The following DMXL2 variants were observed in gnomAD, a reference collection of about 807,000 sequenced individuals.
The protein encoded by DMXL2 is dmX-like protein 2.
Under a neutral mutation model 331.1 loss-of-function variants are expected in DMXL2, and 103 were observed. The ratio of observed to expected loss-of-function variants is 0.31; its 90% confidence interval spans 0.27 to 0.37. The LOEUF (loss-of-function observed/expected upper bound fraction) is 0.37. Ranked by LOEUF, DMXL2 falls within the 10% of genes least tolerant of loss-of-function variation. DMXL2 has a pLI of 1.00. For missense variants in DMXL2, 3,171 were observed against 3,642.9 expected, an observed-to-expected ratio of 0.87 and a Z score of 3.33; for synonymous variants, 1,281 against 1,252.1, an observed-to-expected ratio of 1.02 and a Z score of -0.49.
At chr15:51,507,730 A>G (rs2046493345) in intron 15 of DMXL2, among the ~76,000 whole-genome samples, 1 of 151,980 alleles carries the variant, frequency 6.6e-6, no homozygotes, top group Non-Finnish European at 1.5e-5. Context: ...TGGGGCACTT[A>G]CGCCTTATTT....
intron 6 of DMXL2, among the ~76,000 whole-genome samples, chr15:51,561,360 T>C (rs534169480): frequency 3.3e-4 from 51 of 152,288 alleles, no homozygotes; most frequent in Admixed American, 2.9e-3. Context: ...TCTTCAGGTG[T>C]AGTCAGTGTC....
rs1268637641 is a variant in DMXL2, at chr15:51,478,406, T to C, written c.6757-59A>G. On this transcript the variant is annotated intron_variant, in intron 25 of 43. Coordinates refer to ENST00000560891, the MANE Select transcript of DMXL2 (RefSeq NM_001378457.1). Reference sequence around the variant, plus strand: ...CTAACATTTCTACACAACAGTAATATTTCAAAAATTAGAAAACATCCAGGA... The same window carrying C: ...CTAACATTTCTACACAACAGTAATACTTCAAAAATTAGAAAACATCCAGGA... 5 of 1,476,624 alleles carry C rather than the reference T, an allele frequency of 3.4e-6. No homozygotes were observed. The African/African-American group carries it at 4.2e-5, about 12-fold the overall frequency. 91.5% of individuals were successfully genotyped at this position (1,476,624 alleles called of 1,614,324 possible). A position where few individuals can be genotyped will look rare whatever the true frequency, so the allele number is the denominator to read the frequency against.
chr15:51,597,442 T>A (rs568761646), intron 1 of DMXL2, among the ~76,000 whole-genome samples: 15 of 152,330 alleles, frequency 9.8e-5, no homozygotes, highest in African/African-American at 3.1e-4. Flanking sequence ...TATGCTTTTG[T>A]GTCTCTTTCT....
intron 13 of DMXL2, among the ~76,000 whole-genome samples, chr15:51,525,556 G>T (rs900794566): frequency 6.6e-6 from 1 of 152,078 alleles, no homozygotes; most frequent in African/African-American, 2.4e-5. Flanking sequence ...GGCCAGAAGG[G>T]AGCCCAATGC....
At chr15:51,545,496 T>G in intron 8 of DMXL2, 87 bp downstream of exon 8, 4 of 1,143,984 alleles carry the variant, frequency 3.5e-6, no homozygotes, top group Non-Finnish European at 5.1e-6. Flanking sequence ...ACATGTACCA[T>G]GTGTGCCATC....
At chr15:51,525,064 A>G (rs1476706538) in intron 13 of DMXL2, among the ~76,000 whole-genome samples, 1 of 151,864 alleles carries the variant, frequency 6.6e-6, no homozygotes, top group Admixed American at 6.6e-5. Context: ...GCTCAGCTAC[A>G]GCAGGATAAG....
intron 1 of DMXL2, among the ~76,000 whole-genome samples, chr15:51,600,948 C>T (rs576995564): frequency 6.6e-6 from 1 of 152,264 alleles, no homozygotes; most frequent in South Asian, 2.1e-4. Flanking sequence ...TTAACAGCCA[C>T]TCTCCAGAGA....
Position 51,463,249 on chromosome 15 carries a change from G to A in DMXL2, c.7926+130C>T, listed in dbSNP as rs958620526. 2.8e-5 allele frequency: 16 copies of A among 581,674 alleles called. No individual in the cohort carries two copies. In the South Asian group the frequency reaches 3.3e-4, roughly 12 times the overall value. The allele number at this position is 581,674 out of a possible 1,614,324, so 36.0% of individuals were successfully genotyped here. On this transcript the variant is annotated intron_variant, in intron 33 of 43. Transcript: ENST00000560891. ...GGTTTTATCTTAAAAGTAGTTCACG[G>A]TAGTTTAGTGAACTTTGACTATTAC...
chr15:51,533,625 A>G (rs1413752946), intron 13 of DMXL2, among the ~76,000 whole-genome samples: 3 of 152,226 alleles, frequency 2.0e-5, no homozygotes, highest in Non-Finnish European at 4.4e-5. Context: ...AGGTGTGCAC[A>G]TTACACCTAT....
At chr15:51,540,481 CA>C (rs1441611205) in intron 9 of DMXL2, among the ~76,000 whole-genome samples, 1 of 151,562 alleles carries the variant, frequency 6.6e-6, no homozygotes, top group Non-Finnish European at 1.5e-5. Context: ...ATGGTTCCGT[CA>C]AAAATAAGGG....
Position 51,525,011 on chromosome 15 carries a change from G to A in DMXL2, c.2437-7844C>T, listed in dbSNP as rs553538133. ...TCCTTCCTTCTGCTTGAAGAGAGGC[G>A]ACAGAAGAGTGGGGAGGATTTTGTT... On this transcript the variant is annotated intron_variant, in intron 13 of 43. Transcript: ENST00000560891. Among the ~76,000 whole-genome samples, 12 of 151,738 alleles carry A rather than the reference G, an allele frequency of 7.9e-5. No homozygotes were observed. The East Asian group carries it at 1.2e-3, about 15-fold the overall frequency.
Position 51,464,675 on chromosome 15 carries a change from T to C in DMXL2, c.7808A>G (p.Lys2603Arg), listed in dbSNP as rs376727318. The change falls in exon 32 of 44, where the codon AAG becomes AGG. Residue 2603 changes from lysine to arginine, a missense_variant and splice_region_variant. Transcript: ENST00000560891. Reference sequence around the variant, plus strand: ...ATCAGCATTATAAGAGCTTTCTTACTTGAATGGGGTATTTTCAGGTTCTAG... The same window carrying C: ...ATCAGCATTATAAGAGCTTTCTTACCTGAATGGGGTATTTTCAGGTTCTAG... ...AMLEPENTPF[K>R]SRDSSAFPVK... is the part of the protein sequence containing the mutation. 7.2e-5 allele frequency: 116 copies of C among 1,613,326 alleles called. No homozygotes were observed. The highest frequency in any genetic ancestry group is 9.2e-5 in the Non-Finnish European group (108 of 1,179,566).
intron 2 of DMXL2, among the ~76,000 whole-genome samples, chr15:51,573,931 C>G (rs1214511108): frequency 6.6e-6 from 1 of 151,858 alleles, no homozygotes; most frequent in Non-Finnish European, 1.5e-5. Context: ...AAATACATTT[C>G]AAAAGCATGC....
At chr15:51,557,412 A>G (rs186010769) in intron 6 of DMXL2, among the ~76,000 whole-genome samples, 1 of 152,310 alleles carries the variant, frequency 6.6e-6, no homozygotes, top group African/African-American at 2.4e-5. Context: ...ATGTTCATAA[A>G]CGGGAAGACT....
chr15:51,571,941 C>A (rs1180146838), intron 2 of DMXL2, among the ~76,000 whole-genome samples: 3 of 152,132 alleles, frequency 2.0e-5, no homozygotes, highest in African/African-American at 4.8e-5. Flanking sequence ...AAGATCAGAG[C>A]AGAACTGAAG....
intron 29 of DMXL2, among the ~76,000 whole-genome samples, chr15:51,469,214 A>T (rs1203965517): frequency 6.6e-6 from 1 of 152,142 alleles, no homozygotes; most frequent in African/African-American, 2.4e-5. Context: ...TCAAAAATAA[A>T]TAATGAAATA....
chr15:51,519,641 T>TG (rs1332698193), intron 13 of DMXL2, among the ~76,000 whole-genome samples: 213 of 144,618 alleles, frequency 1.5e-3, no homozygotes, highest in African/African-American at 5.2e-3. Context: ...CTCTTGTTTT[T>TG]TTTTTTTTTT....
At chr15:51,552,713 G>A (rs2049296812) in intron 6 of DMXL2, among the ~76,000 whole-genome samples, 1 of 151,984 alleles carries the variant, frequency 6.6e-6, no homozygotes, top group Non-Finnish European at 1.5e-5. Flanking sequence ...GAGGATCCTG[G>A]GATTTGATCC....
At chr15:51,462,540 T>C (rs1289174517) in intron 33 of DMXL2, among the ~76,000 whole-genome samples, 1 of 152,158 alleles carries the variant, frequency 6.6e-6, no homozygotes. Flanking sequence ...TTTCTCCATG[T>C]TGGTCAGGCT....
Sources: gnomAD v4.1 joint callset for allele counts (sites outside exome capture counted in the v4.1 genomes callset) on GRCh38, gnomAD v4.1.1 for gene constraint, MANE v1.5 for transcripts, NCBI Gene and HGNC (gene_info 2026-07-23, HGNC 2026-07-21) for gene names.